Variants in PLEKHG5 observed in about 807,000 individuals in gnomAD.
PLEKHG5 encodes the protein pleckstrin homology domain-containing family G member 5.
In PLEKHG5, 52 loss-of-function variants were observed where a neutral mutation model predicts 103.8. The ratio of observed to expected loss-of-function variants is 0.50; its 90% CI spans 0.40 to 0.63. The LOEUF (loss-of-function observed/expected upper bound fraction) is 0.63. Ranked by LOEUF, PLEKHG5 falls within the 30% of genes least tolerant of loss-of-function variation. The pLI, the probability that PLEKHG5 is intolerant of heterozygous loss-of-function variation, is 0.00. For synonymous variants in PLEKHG5, 592 were observed against 575.5 expected, an observed-to-expected ratio of 1.03 and a Z score of -0.41; for missense variants, 1,205 against 1,347.6, an observed-to-expected ratio of 0.89 and a Z score of 1.66.
intron 1 of PLEKHG5, chr1:6,519,385 C>T (rs1243956173): frequency 7.6e-7 from 1 of 1,323,714 alleles, no homozygotes; most frequent in African/African-American, 1.4e-5. Flanking sequence ...CAAAGCCCCT[C>T]CTTTCACTCT....
chr1:6,478,706 C>T (rs770333202), intron 1 of PLEKHG5, among the ~76,000 whole-genome samples: 18 of 151,992 alleles, frequency 1.2e-4, no homozygotes, highest in Non-Finnish European at 2.4e-4. Context: ...TGCAATGGCA[C>T]GATCTCAGCT....
intron 10 of PLEKHG5, among the ~76,000 whole-genome samples, chr1:6,472,062 T>A (rs529303303): frequency 6.6e-6 from 1 of 152,336 alleles, no homozygotes; most frequent in African/African-American, 2.4e-5. Flanking sequence ...CGGGGGAGAC[T>A]GGCTTTGAAG....
chr1:6,468,272 G>C lies in PLEKHG5; in HGVS notation c.2564C>G (p.Ser855Trp). 6.2e-7 allele frequency: 1 copy of C among 1,607,238 alleles called. No individual in the cohort carries two copies. Among genetic ancestry groups the C allele is most frequent in the Non-Finnish European group, 8.5e-7 (1 of 1,175,984 alleles). The change falls in exon 20 of 21, where the codon TCG becomes TGG. Residue 855 changes from serine (S) to tryptophan (W), a missense_variant. By Grantham distance (177) the Ser-to-Trp change is radical (BLOSUM62 -3). Transcript: ENST00000377728. Reference sequence around the variant, plus strand: ...AGGGGTGCGGCGGCGGAGACGGGGCGAGGGTGGAGGGGAAGGAACTCGTGG... The same window carrying C: ...AGGGGTGCGGCGGCGGAGACGGGGCCAGGGTGGAGGGGAAGGAACTCGTGG... The part of the protein sequence containing the change: ...ESPRVPSPPP[S>W]PRLRRRTPVQ...
At chr1:6,506,475 G>A (rs1638321316) in intron 1 of PLEKHG5, among the ~76,000 whole-genome samples, 1 of 152,254 alleles carries the variant, frequency 6.6e-6, no homozygotes, top group Non-Finnish European at 1.5e-5. Context: ...GGACGACAGA[G>A]GCCCGGAAAA....
upstream of PLEKHG5, chr1:6,496,503 C>T (rs1473412942): frequency 2.5e-6 from 4 of 1,603,376 alleles, no homozygotes; most frequent in East Asian, 4.6e-5. Context: ...CTTGGCCGCC[C>T]GCCCCTTGTC....
intron 10 of PLEKHG5, 97 bp from the exon 11 acceptor site, chr1:6,471,905 C>T: frequency 7.8e-7 from 1 of 1,278,784 alleles, no homozygotes; most frequent in South Asian, 1.3e-5. Context: ...CTTCCCCTTC[C>T]CCGTTCCAGG....
At chr1:6,499,990 G>A (rs924340092), upstream of PLEKHG5, among the ~76,000 whole-genome samples, 1 of 151,996 alleles carries the variant, frequency 6.6e-6, no homozygotes, top group African/African-American at 2.4e-5. Context: ...TTATAGCAAC[G>A]GAGGTCTCAC....
At chr1:6,480,998 C>T (rs1039817213) in intron 1 of PLEKHG5, among the ~76,000 whole-genome samples, 1 of 152,078 alleles carries the variant, frequency 6.6e-6, no homozygotes, top group Non-Finnish European at 1.5e-5. Flanking sequence ...CTGGTCAGCC[C>T]GAAAATCCCG....
chr1:6,470,413 G>A, intron 15 of PLEKHG5, 58 bp from the exon 16 acceptor site: 1 of 1,612,942 alleles, frequency 6.2e-7, no homozygotes, highest in East Asian at 2.2e-5. Context: ...ATCTCAGCTA[G>A]GCATCCTCAG....
At chr1:6,469,825 G>T in intron 16 of PLEKHG5, 149 bp from the exon 17 acceptor site, 1 of 710,018 alleles carries the variant, frequency 1.4e-6, no homozygotes, top group East Asian at 2.6e-5. Flanking sequence ...AGAGGAAGAT[G>T]ATTCTCTTTC....
At position 6,505,238 on chromosome 1, in the gene PLEKHG5, A is replaced by G. The variant is rs1373572816; in HGVS notation, c.-164-8669T>C. On this transcript the variant is annotated intron_variant, in intron 1 of 21. Transcript: ENST00000377740. This position sits in a 1 kb window ranked among gnomAD's most constrained non-coding sequence, Gnocchi z 4.2. ...CCTGACAGAGCTAGGTCCCCAGCCC[A>G]CAGTGCCGGTCAGCCCACTGTGCCG... Among the ~76,000 whole-genome samples the G allele has an allele frequency of 6.6e-6, 1 of 152,076 alleles. No homozygotes were observed. The highest frequency in any genetic ancestry group is 2.4e-5 in the African/African-American group (1 of 41,410).
intron 1 of PLEKHG5, among the ~76,000 whole-genome samples, chr1:6,515,584 G>A (rs1265706304): frequency 3.3e-5 from 5 of 151,918 alleles, no homozygotes; most frequent in African/African-American, 1.2e-4. Context: ...CCCAGCACTT[G>A]GGAAGGCTGA....
chr1:6,477,154 C>T, intron 2 of PLEKHG5, among the ~76,000 whole-genome samples: 1 of 152,206 alleles, frequency 6.6e-6, no homozygotes, highest in East Asian at 1.9e-4. Context: ...CACCCCCACT[C>T]CACACTGCCT....
intron 7 of PLEKHG5, 30 bp downstream of exon 7, chr1:6,473,983 C>T (rs1644676888): frequency 7.2e-7 from 1 of 1,389,764 alleles, no homozygotes; most frequent in Non-Finnish European, 1.0e-6. Context: ...CCTTCCCACC[C>T]CCTCCCCTGA....
intron 1 of PLEKHG5, among the ~76,000 whole-genome samples, chr1:6,489,624 C>T (rs905035697): frequency 6.6e-6 from 1 of 152,238 alleles, no homozygotes; most frequent in South Asian, 2.1e-4. Context: ...AGCACCTGGA[C>T]TAGCAAGCCC....
chr1:6,482,703 T>C (rs1460357524), intron 1 of PLEKHG5, among the ~76,000 whole-genome samples: 1 of 152,146 alleles, frequency 6.6e-6, no homozygotes, highest in Non-Finnish European at 1.5e-5. Flanking sequence ...TATTTATTTA[T>C]TTATGTATTT....
At position 6,505,550 on chromosome 1, in the gene PLEKHG5, T is replaced by C. The variant is rs1338902220; in HGVS notation, c.-164-8981A>G. ...CACGGGGCTCAGCGTCCCCGAGAGC[T>C]CATCCTGCCTCTTCAGGGGCTTAAA... On this transcript the variant is annotated intron_variant, in intron 1 of 21. Coordinates refer to the PLEKHG5 transcript ENST00000377740. This position sits in a 1 kb window ranked among gnomAD's most constrained non-coding sequence, Gnocchi z 4.2. Among the ~76,000 whole-genome samples the C allele has an allele frequency of 1.3e-5, 2 of 151,966 alleles. No individual in the cohort carries two copies. Among genetic ancestry groups the C allele is most frequent in the African/African-American group, 4.8e-5 (2 of 41,362 alleles).
At chr1:6,478,131 G>C (rs558805326) in intron 1 of PLEKHG5, among the ~76,000 whole-genome samples, 2 of 152,034 alleles carry the variant, frequency 1.3e-5, no homozygotes, top group Non-Finnish European at 2.9e-5. Flanking sequence ...TGAACAGCCC[G>C]CCTGGGCCTC....
upstream of PLEKHG5, among the ~76,000 whole-genome samples, chr1:6,498,170 CTGCCT>C (rs1254534433): frequency 1.3e-5 from 2 of 152,216 alleles, no homozygotes; most frequent in African/African-American, 4.8e-5. Context: ...GCTCCTGAGC[CTGCCT>C]CTGGACCCCC....
Sources: allele counts gnomAD v4.1 joint callset (sites outside exome capture counted in the v4.1 genomes callset), GRCh38; gene constraint gnomAD v4.1.1; non-coding constraint Gnocchi (gnomAD v3.1); transcripts MANE v1.5; gene names NCBI Gene and HGNC (gene_info 2026-07-23, HGNC 2026-07-21).